The following PRDM16 variants were observed in gnomAD, a reference collection of about 807,000 sequenced individuals.
The protein encoded by PRDM16 is PR/SET domain 16.
PRDM16 carries 23 observed loss-of-function variants against 110.6 expected under a neutral mutation model. That is an observed-to-expected ratio of 0.21 (90% CI 0.15 to 0.29). PRDM16 has a LOEUF of 0.29. Ranked by LOEUF, PRDM16 falls within the 10% of genes least tolerant of loss-of-function variation. The pLI is 1.00. For missense variants in PRDM16, 1,615 were observed against 1,794.3 expected, an observed-to-expected ratio of 0.90 and a Z score of 1.81; for synonymous variants, 799 against 781.8, an observed-to-expected ratio of 1.02 and a Z score of -0.37.
At chr1:3,260,997 G>C (rs1341428646) in intron 3 of PRDM16, among the ~76,000 whole-genome samples, 2 of 151,412 alleles carry the variant, frequency 1.3e-5, no homozygotes, top group African/African-American at 4.9e-5. Flanking sequence ...TCAGGGCCTT[G>C]TTTTCTGCCT....
intron 3 of PRDM16, among the ~76,000 whole-genome samples, chr1:3,257,608 C>G (rs757069927): frequency 1.3e-5 from 2 of 152,172 alleles, no homozygotes; most frequent in Non-Finnish European, 2.9e-5. Flanking sequence ...CCTTGCTCAC[C>G]CTGACTGATC....
intron 3 of PRDM16, among the ~76,000 whole-genome samples, chr1:3,252,474 G>A (rs1013880578): frequency 6.6e-6 from 1 of 152,200 alleles, no homozygotes; most frequent in Non-Finnish European, 1.5e-5. Flanking sequence ...GTGCCCAGTG[G>A]GGGCCGCGGT....
intron 3 of PRDM16, among the ~76,000 whole-genome samples, chr1:3,316,093 C>G (rs1641594296): frequency 8.1e-6 from 1 of 123,692 alleles, no homozygotes; most frequent in Non-Finnish European, 1.6e-5. Context: ...AGAGCTTCTC[C>G]TGTTCCTTTT....
chr1:3,258,564 A>C (rs1025081620), intron 3 of PRDM16, among the ~76,000 whole-genome samples: 7 of 152,330 alleles, frequency 4.6e-5, no homozygotes, highest in Admixed American at 2.6e-4. Flanking sequence ...AATAAAAAGC[A>C]AGACGTATTA....
In PRDM16 at chr1:3,434,080, G is replaced by T; in HGVS notation, c.*269G>T. On this transcript the variant is annotated 3_prime_UTR_variant, in exon 17 of 17. Coordinates refer to ENST00000270722, the MANE Select transcript of PRDM16 (RefSeq NM_022114.4). ...GGTGGCCGTCCAAAGACAGCCAACG[G>T]AGCTGCCTCGCAGAATCAGCCAGTG... The T allele has an allele frequency of 2.4e-6, 1 of 423,358 alleles. No homozygotes were observed. The highest frequency in any genetic ancestry group is 4.2e-6 in the Non-Finnish European group (1 of 235,962). The allele number at this position is 423,358 out of a possible 1,614,324, so 26.2% of individuals were successfully genotyped here. A position where few individuals can be genotyped will look rare whatever the true frequency, so the allele number is the denominator to read the frequency against.
In PRDM16 at chr1:3,389,949, G is replaced by GCCCCCCCCCCC. The variant is rs70938087; in HGVS notation, c.573+4669_573+4679dup. On this transcript the variant is annotated intron_variant, in intron 4 of 16. Coordinates refer to ENST00000270722, the MANE Select transcript of PRDM16 (RefSeq NM_022114.4). ...TCTCCATGCACTTTTCTGGGGGTGC[G>GCCCCCCCCCCC]CCCCCCCCCCCCCCCCACCCTCTGG... 2.7e-3 allele frequency among the ~76,000 whole-genome samples: 291 copies of GCCCCCCCCCCC among 106,928 alleles called. 1 individual carries two copies. Among genetic ancestry groups the GCCCCCCCCCCC allele is most frequent in the Non-Finnish European group, 3.7e-3 (181 of 49,420 alleles). The allele number at this position is 106,928 out of a possible 152,430, so 70.1% of individuals were successfully genotyped here.
chr1:3,183,100 C>T (rs1644229919), intron 1 of PRDM16, among the ~76,000 whole-genome samples: 1 of 152,268 alleles, frequency 6.6e-6, no homozygotes, highest in South Asian at 2.1e-4. Flanking sequence ...TCTCCAAAGT[C>T]ATACATGATC....
In PRDM16 at chr1:3,432,092, A is replaced by ATGC; in HGVS notation, c.3648_3649insTGC (p.Leu1216_Asp1217insCys). On this transcript the variant is annotated inframe_insertion, in exon 16 of 17. Coordinates refer to ENST00000270722, the MANE Select transcript of PRDM16 (RefSeq NM_022114.4). ...TTAAAGATGTGCTTAATTCCACCTTAGATTCTGAGGCTTTAAAACATACAC... is the reference window on the plus strand; with the variant it reads ...TTAAAGATGTGCTTAATTCCACCTTATGCGATTCTGAGGCTTTAAAACATACAC... 1 of 1,613,992 alleles carries ATGC rather than the reference A, an allele frequency of 6.2e-7. No individual in the cohort carries two copies. The highest frequency in any genetic ancestry group is 8.5e-7 in the Non-Finnish European group (1 of 1,179,990).
intron 3 of PRDM16, among the ~76,000 whole-genome samples, chr1:3,378,997 G>C (rs1643044564): frequency 6.6e-6 from 1 of 151,802 alleles, no homozygotes; most frequent in Non-Finnish European, 1.5e-5. Context: ...GGCATCTCAG[G>C]GGAGACCCCA....
rs1639761563 is a variant in PRDM16 at position 3,245,048 on chromosome 1, C to CCAGACAG, written c.438+914_438+920dup. On this transcript the variant is annotated intron_variant, in intron 3 of 16. Transcript: ENST00000270722. The surrounding 1 kb of genome is among the most constrained non-coding windows in gnomAD (Gnocchi z 4.7). ...GAGAGTCACATTTACACATCCCCAC[C>CCAGACAG]CAGACAGCATCGCAGGGGGCGGGGT... Among the ~76,000 whole-genome samples, 1 of 152,144 alleles carries CCAGACAG rather than the reference C, an allele frequency of 6.6e-6. No homozygotes were observed. The highest frequency in any genetic ancestry group is 1.9e-4 in the East Asian group (1 of 5,186).
In PRDM16 at chr1:3,140,701, T is replaced by C. The variant is rs188760311; in HGVS notation, c.38-45424T>C. On this transcript the variant is annotated intron_variant, in intron 1 of 16. Coordinates refer to ENST00000270722, the MANE Select transcript of PRDM16 (RefSeq NM_022114.4). ...TCCTAGAAGGCGTATGGGGGGTGCA[T>C]GGGCTGCCTGGCCTCCCAGGTGTGA... Among the ~76,000 whole-genome samples the C allele has an allele frequency of 6.7e-3, 1,024 of 152,302 alleles. 6 individuals carry two copies. Among genetic ancestry groups the C allele is most frequent in the Non-Finnish European group, 0.011 (739 of 68,024 alleles).
rs1641679398 is a variant in PRDM16, at chr1:3,069,276, G to C, written c.17G>C (p.Arg6Thr). The C allele has an allele frequency of 6.4e-7, 1 of 1,559,774 alleles. No individual in the cohort carries two copies. Among genetic ancestry groups the C allele is most frequent in the Admixed American group, 1.8e-5 (1 of 54,360 alleles). MRSKARARKLAKSDGD... is the reference protein window; with the variant it reads MRSKATARKLAKSDGD... ...GCCGACACCATGCGATCCAAGGCGA[G>C]GGCGAGGAAGCTAGCCAAAAGTAAG... Residue 6 changes from arginine (R) to threonine (T), a missense_variant, in exon 1 of 17, where the codon AGG becomes ACG. Physicochemically the swap from Arg to Thr is moderately conservative, Grantham distance 71 (BLOSUM62 -1). Coordinates refer to ENST00000270722, the MANE Select transcript of PRDM16 (RefSeq NM_022114.4). This position sits in a 1 kb window ranked among gnomAD's most constrained non-coding sequence, Gnocchi z 6.1.
At chr1:3,366,785 T>C (rs192031498) in intron 3 of PRDM16, among the ~76,000 whole-genome samples, 2 of 152,308 alleles carry the variant, frequency 1.3e-5, no homozygotes, top group East Asian at 3.9e-4. Flanking sequence ...ATTTTATTTT[T>C]TTACTAGAAT....
chr1:3,426,290 C>T (rs1638603207), intron 14 of PRDM16, 65 bp downstream of exon 14: 1 of 1,388,362 alleles, frequency 7.2e-7, no homozygotes. Flanking sequence ...TGGCCACCCT[C>T]AGAGGACATG....
chr1:3,215,825 C>T (rs1360379158), intron 2 of PRDM16, among the ~76,000 whole-genome samples: 2 of 152,154 alleles, frequency 1.3e-5, no homozygotes, highest in African/African-American at 2.4e-5. Context: ...TGTCAAGGCG[C>T]GGCGTCGGCA....
At chr1:3,276,945 CG>C (rs1640599948) in intron 3 of PRDM16, among the ~76,000 whole-genome samples, 1 of 152,088 alleles carries the variant, frequency 6.6e-6, no homozygotes, top group African/African-American at 2.4e-5. Flanking sequence ...ATCACGACCC[CG>C]GGCAGCGTCT....
intron 1 of PRDM16, among the ~76,000 whole-genome samples, chr1:3,180,945 C>T (rs61759173): frequency 0.23 from 33,579 of 147,364 alleles, 3,853 homozygotes; most frequent in Admixed American, 0.3. Context: ...CACACGCAGC[C>T]TTACACACGC....
intron 12 of PRDM16, 101 bp downstream of exon 12, chr1:3,418,845 T>TCACTCCAGCAG: frequency 1.1e-6 from 1 of 913,930 alleles, no homozygotes; most frequent in Non-Finnish European, 1.8e-6. Flanking sequence ...GGCTCCCTGC[T>TCACTCCAGCAG]GGAGTGAGCA....
chr1:3,134,488 C>T (rs1295265909), intron 1 of PRDM16, among the ~76,000 whole-genome samples: 7 of 152,190 alleles, frequency 4.6e-5, no homozygotes, highest in African/African-American at 7.2e-5. Context: ...CCTCCCCTCC[C>T]GCACAGCCTC....
Sources: allele counts gnomAD v4.1 joint callset (sites outside exome capture counted in the v4.1 genomes callset), GRCh38; gene constraint gnomAD v4.1.1; non-coding constraint Gnocchi (gnomAD v3.1); transcripts MANE v1.5; gene names NCBI Gene and HGNC (gene_info 2026-07-23, HGNC 2026-07-21).